Variants in ALPK3 observed in about 807,000 individuals in gnomAD.
ALPK3 encodes alpha kinase 3, also known as alpha-protein kinase 3.
In ALPK3, 102 loss-of-function variants were observed where a neutral mutation model predicts 140.0. The observed-to-expected ratio is 0.73, with a 90% CI of 0.62 to 0.86. The LOEUF (loss-of-function observed/expected upper bound fraction) is 0.86, where lower values mean the gene tolerates loss of function less well. Among genes scored for constraint, ALPK3 ranks in the 40% least tolerant of loss-of-function variants. ALPK3 has a pLI of 0.00. For missense variants in ALPK3, 2,254 were observed against 2,208.2 expected (o/e 1.02, Z -0.42); for synonymous variants, 938 against 898.5 (o/e 1.04, Z -0.79).
chr15:84,851,085 CA>C (rs1488604213), intron 5 of ALPK3, among the ~76,000 whole-genome samples: 1 of 152,010 alleles, frequency 6.6e-6, no homozygotes, highest in African/African-American at 2.4e-5. Flanking sequence ...AAATAAATAC[CA>C]CACAGAATGG....
Position 84,873,452 on chromosome 15 carries a change from A to G in ALPK3, c.*4996A>G, listed in dbSNP as rs1030444954. The G allele has an allele frequency of 4.6e-5, 7 of 152,158 alleles. No individual in the cohort carries two copies. The highest frequency in any genetic ancestry group is 1.4e-4 in the African/African-American group (6 of 41,420). The allele number at this position is 152,158 out of a possible 1,614,324, so 9.4% of individuals were successfully genotyped here. A position where few individuals can be genotyped will look rare whatever the true frequency, so the allele number is the denominator to read the frequency against. On this transcript the variant is annotated 3_prime_UTR_variant, in exon 14 of 14. Transcript: ENST00000258888. ...AATGTAGAATCTCTGGTGAGTGAAC[A>G]TATCAATAAAGACAACCTGAACCAA...
chr15:84,867,554 A>T (rs952670539), intron 13 of ALPK3, among the ~76,000 whole-genome samples, 189 bp downstream of exon 13: 4 of 152,108 alleles, frequency 2.6e-5, no homozygotes, highest in African/African-American at 7.2e-5. Context: ...CTGGTGTGGC[A>T]GCTATTACTG....
At position 84,859,262 on chromosome 15, in the gene ALPK3, G is replaced by A; in HGVS notation, c.3837G>A (p.Lys1279=). The part of the protein sequence containing the change: ...DLLKAPQVIR[K]IRVEQFPDAS... ...TCTCAGCCCCACAGGTGATCCGGAA[G>A]ATTCGGGTGGAGCAGTTTCCTGATG... Residue 1279 remains lysine, a synonymous_variant, in exon 7 of 14, where the codon AAG becomes AAA. Transcript: ENST00000258888. 1 of 1,614,148 alleles carries A rather than the reference G, an allele frequency of 6.2e-7. No individual in the cohort carries two copies.
At chr15:84,851,947 A>AGAG (rs1366955426) in intron 5 of ALPK3, among the ~76,000 whole-genome samples, 1 of 152,200 alleles carries the variant, frequency 6.6e-6, no homozygotes, top group Non-Finnish European at 1.5e-5. Flanking sequence ...TGCCGTCTGT[A>AGAG]GAGGCTGTGC....
At chr15:84,860,111 C>G in intron 9 of ALPK3, 39 bp downstream of exon 9, 1 of 1,610,354 alleles carries the variant, frequency 6.2e-7, no homozygotes, top group Non-Finnish European at 8.5e-7. Context: ...TGGTCCTACC[C>G]CTGCCATCTG....
At chr15:84,852,586 CT>C in intron 5 of ALPK3, 1 of 304,148 alleles carries the variant, frequency 3.3e-6, no homozygotes, top group Admixed American at 4.0e-5. Flanking sequence ...GTTAAGAGCT[CT>C]TGGTTTTGCA....
chr15:84,829,363 T>G (rs571877225), intron 3 of ALPK3, among the ~76,000 whole-genome samples: 1 of 152,222 alleles, frequency 6.6e-6, no homozygotes, highest in Non-Finnish European at 1.5e-5. Context: ...TTTTAAAAAC[T>G]TGAAACAAAA....
rs1167180684 is a variant in ALPK3, at chr15:84,870,847, T to A, written c.*2391T>A. ...GGAAGGGTGGAAAGGGTTTGGTAGG[T>A]AAACCCTGAAGATGCTTCTAACACA... is the stretch of plus-strand genomic sequence containing the variant. On this transcript the variant is annotated 3_prime_UTR_variant, in exon 14 of 14. Coordinates refer to ENST00000258888, the MANE Select transcript of ALPK3 (RefSeq NM_020778.5). 6.6e-6 allele frequency: 1 copy of A among 152,166 alleles called. No homozygotes were observed. Among genetic ancestry groups the A allele is most frequent in the Non-Finnish European group, 1.5e-5 (1 of 68,030 alleles). The allele number at this position is 152,166 out of a possible 1,614,324, so 9.4% of individuals were successfully genotyped here. A position where few individuals can be genotyped will look rare whatever the true frequency, so the allele number is the denominator to read the frequency against.
intron 3 of ALPK3, among the ~76,000 whole-genome samples, chr15:84,834,446 A>G (rs1359361603): frequency 6.6e-6 from 1 of 152,142 alleles, no homozygotes; most frequent in African/African-American, 2.4e-5. Context: ...TCCTCATAGG[A>G]TTTTTGTGAG....
chr15:84,836,215 G>A lies in ALPK3; in HGVS notation c.305-2765G>A, dbSNP rs531889522. Among the ~76,000 whole-genome samples, 4 of 152,330 alleles carry A rather than the reference G, an allele frequency of 2.6e-5. No individual in the cohort carries two copies. The South Asian group carries it at 8.3e-4, about 32-fold the overall frequency. ...ACCACATGGGTGGGTGCATCAAGCTGGGGGAGAGTGGAGGGAGGTGGGGCC... is the reference window on the plus strand; with the variant it reads ...ACCACATGGGTGGGTGCATCAAGCTAGGGGAGAGTGGAGGGAGGTGGGGCC... On this transcript the variant is annotated intron_variant, in intron 3 of 13. Transcript: ENST00000258888.
chr15:84,827,764 TGTGG>T (rs942189288), intron 3 of ALPK3, among the ~76,000 whole-genome samples, 159 bp downstream of exon 3: 2 of 152,266 alleles, frequency 1.3e-5, no homozygotes, highest in African/African-American at 4.8e-5. Context: ...AACATCCCTG[TGTGG>T]GCTGGTGCCC....
intron 3 of ALPK3, among the ~76,000 whole-genome samples, chr15:84,835,424 T>C (rs1963588970): frequency 6.6e-6 from 1 of 152,188 alleles, no homozygotes; most frequent in Non-Finnish European, 1.5e-5. Context: ...TGGGGTTCCC[T>C]TGTCAGGCAT....
At chr15:84,864,770 T>TAAA in intron 12 of ALPK3, 105 bp downstream of exon 12, 1 of 1,205,678 alleles carries the variant, frequency 8.3e-7, no homozygotes, top group Non-Finnish European at 1.2e-6. Flanking sequence ...AGCACCTTTG[T>TAAA]CTTTATTCTT....
At chr15:84,838,892 G>A (rs1231466098) in intron 3 of ALPK3, 88 bp from the exon 4 acceptor site, 4 of 1,133,584 alleles carry the variant, frequency 3.5e-6, no homozygotes, top group Non-Finnish European at 5.3e-6. Context: ...AAAGTGCTGG[G>A]ATTACAGGCG....
intron 7 of ALPK3, 54 bp downstream of exon 7, chr15:84,859,444 C>T (rs763751263): frequency 6.2e-6 from 10 of 1,602,172 alleles, no homozygotes; most frequent in Admixed American, 5.1e-5. Flanking sequence ...GCAGTAATAC[C>T]GTTGGGCACT....
intron 4 of ALPK3, 64 bp from the exon 5 acceptor site, chr15:84,839,638 G>A (rs1045217212): frequency 2.6e-6 from 4 of 1,517,844 alleles, no homozygotes; most frequent in Non-Finnish European, 2.6e-6. Context: ...GGCTCTGGCT[G>A]GGGGGTGTGG....
chr15:84,847,204 A>AT (rs1963740241), intron 5 of ALPK3, among the ~76,000 whole-genome samples: 1 of 124,614 alleles, frequency 8.0e-6, no homozygotes, highest in Non-Finnish European at 1.7e-5. Flanking sequence ...GGAGGGAGAA[A>AT]CGGGGAGAGA....
At chr15:84,847,208 G>GGAGAGAGAGAGAGAGAGAGAGAGAGA (rs55944419) in intron 5 of ALPK3, among the ~76,000 whole-genome samples, 1 of 116,578 alleles carries the variant, frequency 8.6e-6, no homozygotes, top group Non-Finnish European at 1.7e-5. Flanking sequence ...GGAGAAACGG[G>GGAGAGAGAGAGAGAGAGAGAGAGAGA]GAGAGAGAGA....
chr15:84,868,049 G>A lies in ALPK3; in HGVS notation c.4773-62G>A, dbSNP rs188294681. The A allele has an allele frequency of 1.1e-5, 17 of 1,512,250 alleles. No homozygotes were observed. The Admixed American group carries it at 1.2e-4, about 10-fold the overall frequency. 93.7% of individuals were successfully genotyped at this position (1,512,250 alleles called of 1,614,324 possible). ...CCTGATGATGGCCACCCCAGAGTCC[G>A]CCCCCCAAGGAACTGTGTCTCTGGT... On this transcript the variant is annotated intron_variant, in intron 13 of 13. Coordinates refer to ENST00000258888, the MANE Select transcript of ALPK3 (RefSeq NM_020778.5).
Sources: allele counts gnomAD v4.1 joint callset (sites outside exome capture counted in the v4.1 genomes callset), GRCh38; gene constraint gnomAD v4.1.1; transcripts MANE v1.5; gene names NCBI Gene and HGNC (gene_info 2026-07-23, HGNC 2026-07-21).